Variants in CDYL observed in about 807,000 individuals in gnomAD.
CDYL encodes the protein chromodomain Y like.
CDYL carries 8 observed loss-of-function variants against 47.3 expected under a neutral mutation model. That is an observed-to-expected ratio of 0.17 (90% CI 0.10 to 0.31). The LOEUF (loss-of-function observed/expected upper bound fraction) is 0.31, where lower values mean the gene tolerates loss of function less well. Among genes scored for constraint, CDYL ranks in the 10% least tolerant of loss-of-function variants. The pLI is 1.00. For synonymous variants in CDYL, 266 were observed against 265.0 expected, an observed-to-expected ratio of 1.00 and a Z score of -0.04; for missense variants, 471 against 701.4, an observed-to-expected ratio of 0.67 and a Z score of 3.71.
At chr6:4,818,929 G>T (rs962752237) in intron 1 of CDYL, among the ~76,000 whole-genome samples, 2 of 152,146 alleles carry the variant, frequency 1.3e-5, no homozygotes, top group African/African-American at 4.8e-5. Flanking sequence ...AAGACCACAG[G>T]TCTGTTGTAA....
chr6:4,765,513 T>C (rs1462208437), intron 3 of CDYL, among the ~76,000 whole-genome samples: 1 of 151,598 alleles, frequency 6.6e-6, no homozygotes, highest in Non-Finnish European at 1.5e-5. Flanking sequence ...TTTTAATTCA[T>C]ACATTTGAAA....
At chr6:4,807,695 C>T (rs1759411868) in intron 1 of CDYL, among the ~76,000 whole-genome samples, 1 of 140,000 alleles carries the variant, frequency 7.1e-6, no homozygotes, top group Non-Finnish European at 1.5e-5. Flanking sequence ...CCTCTACCTC[C>T]TGGGCTCAGG....
intron 2 of CDYL, among the ~76,000 whole-genome samples, chr6:4,895,031 A>G (rs961273780): frequency 5.9e-5 from 9 of 151,682 alleles, no homozygotes; most frequent in African/African-American, 2.2e-4. Context: ...ATGTATGTGT[A>G]TATATGTATC....
chr6:4,910,950 C>T (rs935992715), intron 2 of CDYL, among the ~76,000 whole-genome samples: 1 of 152,128 alleles, frequency 6.6e-6, no homozygotes, highest in Non-Finnish European at 1.5e-5. Context: ...TCTCCTGCCT[C>T]AGCCTCCCGA....
intron 2 of CDYL, among the ~76,000 whole-genome samples, chr6:4,933,697 GACTCA>G (rs2127518392): frequency 6.6e-6 from 1 of 152,272 alleles, no homozygotes; most frequent in African/African-American, 2.4e-5. Flanking sequence ...CCCTCAGAAG[GACTCA>G]GCAACACCTT....
At chr6:4,861,000 C>T (rs757093677) in intron 1 of CDYL, among the ~76,000 whole-genome samples, 24 of 152,122 alleles carry the variant, frequency 1.6e-4, no homozygotes, top group Non-Finnish European at 3.2e-4. Context: ...ATTTTGTATC[C>T]TTCATTCCAA....
intron 1 of CDYL, among the ~76,000 whole-genome samples, chr6:4,789,001 C>G (rs1208380373): frequency 6.6e-6 from 1 of 152,092 alleles, no homozygotes; most frequent in East Asian, 1.9e-4. Flanking sequence ...AGGTGCTGCT[C>G]CTCCTGGCTT....
intron 1 of CDYL, among the ~76,000 whole-genome samples, chr6:4,806,464 G>T (rs1392698920): frequency 6.6e-6 from 1 of 152,106 alleles, no homozygotes; most frequent in East Asian, 1.9e-4. Flanking sequence ...TTAGAGTTTC[G>T]CAGCAAAGTT....
chr6:4,892,320 C>T lies in CDYL; in HGVS notation c.632C>T (p.Pro211Leu). The T allele has an allele frequency of 6.2e-7, 1 of 1,614,048 alleles. No individual in the cohort carries two copies. Residue 211 changes from proline to leucine, a missense_variant, in exon 2 of 7, where the codon CCT (proline) becomes CTT (leucine). Around this residue, in one of 3 missense-constraint regions of CDYL, gnomAD observed 311 missense variants for 350.0 expected, o/e 0.89. Coordinates refer to ENST00000397588, the MANE Select transcript of CDYL (RefSeq NM_004824.4). ...AGGCCCAGGATACACCCACTAGTGCCTCAGGTGCCCGGCCCTGTGACTGCA... is the reference window on the plus strand; with the variant it reads ...AGGCCCAGGATACACCCACTAGTGCTTCAGGTGCCCGGCCCTGTGACTGCA... The part of the protein sequence containing the change: ...GSRPRIHPLV[P>L]QVPGPVTAAM...
At chr6:4,713,287 T>G (rs996719356) in intron 1 of CDYL, among the ~76,000 whole-genome samples, 2 of 152,096 alleles carry the variant, frequency 1.3e-5, no homozygotes, top group African/African-American at 2.4e-5. Context: ...TCCTCCCACC[T>G]GTGATTCCCA....
intron 1 of CDYL, among the ~76,000 whole-genome samples, chr6:4,712,915 T>C (rs1350996605): frequency 6.6e-6 from 1 of 152,118 alleles, no homozygotes; most frequent in Non-Finnish European, 1.5e-5. Flanking sequence ...GCATCTGGGG[T>C]GGGCAGATCA....
intron 1 of CDYL, among the ~76,000 whole-genome samples, chr6:4,835,638 A>ACTG (rs1226006302): frequency 1.4e-4 from 22 of 152,320 alleles, no homozygotes; most frequent in African/African-American, 4.8e-4. Flanking sequence ...TGCAGAGCTT[A>ACTG]CTGCTGTCTT....
At chr6:4,946,109 A>G (rs1182042558) in intron 5 of CDYL, among the ~76,000 whole-genome samples, 1 of 152,176 alleles carries the variant, frequency 6.6e-6, no homozygotes, top group Non-Finnish European at 1.5e-5. Context: ...CAGCGACTGC[A>G]TCAGCCTTTG....
chr6:4,857,478 T>C (rs1164236810), intron 1 of CDYL, among the ~76,000 whole-genome samples: 1 of 152,224 alleles, frequency 6.6e-6, no homozygotes, highest in African/African-American at 2.4e-5. Context: ...TAAGAGACTC[T>C]TACTAGACTC....
chr6:4,922,297 A>AGCCAGTATGATCGTTCACTG (rs1244931175), intron 2 of CDYL, among the ~76,000 whole-genome samples: 1 of 152,162 alleles, frequency 6.6e-6, no homozygotes, highest in Admixed American at 6.5e-5. Context: ...TGCTCTGAAA[A>AGCCAGTATGATCGTTCACTG]GCCAGTATGA....
intron 1 of CDYL, among the ~76,000 whole-genome samples, chr6:4,873,878 C>A (rs1388550194): frequency 1.3e-5 from 2 of 152,162 alleles, no homozygotes; most frequent in East Asian, 3.9e-4. Flanking sequence ...GCAGATTTCA[C>A]CTCCTGCCAC....
At chr6:4,820,440 A>G (rs1421782835) in intron 1 of CDYL, among the ~76,000 whole-genome samples, 1 of 151,964 alleles carries the variant, frequency 6.6e-6, no homozygotes, top group Non-Finnish European at 1.5e-5. Flanking sequence ...GTACCACGGT[A>G]AAGAGATGGG....
intron 1 of CDYL, among the ~76,000 whole-genome samples, chr6:4,851,707 A>G (rs77432055): frequency 0.022 from 3,348 of 152,306 alleles, 133 homozygotes; most frequent in African/African-American, 0.077. Context: ...TCTTAACGCA[A>G]CAATCCCTGA....
intron 3 of CDYL, among the ~76,000 whole-genome samples, chr6:4,738,477 C>T (rs1405230398): frequency 1.3e-5 from 2 of 152,218 alleles, no homozygotes; most frequent in Non-Finnish European, 2.9e-5. Flanking sequence ...TTCACTCCCA[C>T]AAATCATTTC....
Sources: allele counts gnomAD v4.1 joint callset (sites outside exome capture counted in the v4.1 genomes callset), GRCh38; gene constraint gnomAD v4.1.1; regional missense constraint gnomAD v4.1.1; transcripts MANE v1.5; gene names NCBI Gene and HGNC (gene_info 2026-07-23, HGNC 2026-07-21).